PPP2R3B: variants seen among roughly 807,000 people sequenced by gnomAD.
PPP2R3B encodes protein phosphatase 2 regulatory subunit B''beta, also known as serine/threonine-protein phosphatase 2A regulatory subunit B'' subunit beta.
Under a neutral mutation model 72.9 loss-of-function variants are expected in PPP2R3B, and 68 were observed. That is an observed-to-expected ratio of 0.93 (90% CI 0.77 to 1.14). The LOEUF (loss-of-function observed/expected upper bound fraction) is 1.14. Among genes scored for constraint, PPP2R3B ranks in the 50% most tolerant of loss-of-function variants. PPP2R3B has a pLI of 0.00. For missense variants in PPP2R3B, 1,018 were observed against 842.0 expected, an observed-to-expected ratio of 1.21 and a Z score of -2.59; for synonymous variants, 466 against 375.8, an observed-to-expected ratio of 1.24 and a Z score of -2.78.
chrX:336,179 T>C (rs1191552110), intron 12 of PPP2R3B: 2 of 151,872 alleles, frequency 1.3e-5, no homozygotes, highest in Non-Finnish European at 2.9e-5. Flanking sequence ...AAAAAAATAA[T>C]AAAATACTAC....
chrX:350,582 G>A (rs1233023100), intron 2 of PPP2R3B, among the ~76,000 whole-genome samples: 6 of 152,222 alleles, frequency 3.9e-5, no homozygotes, highest in East Asian at 1.9e-4. Flanking sequence ...GGTGCACGGT[G>A]GCCGTAGACA....
At chrX:361,360 C>T (rs200883854) in intron 2 of PPP2R3B, 45 bp downstream of exon 2, 38 of 1,605,778 alleles carry the variant, frequency 2.4e-5, no homozygotes, top group Middle Eastern at 1.7e-4. Flanking sequence ...CTCACATGCC[C>T]GCAGTACCAC....
intron 12 of PPP2R3B, chrX:337,369 C>T (rs146914544): frequency 0.04 from 6,168 of 152,314 alleles, 125 homozygotes; most frequent in East Asian, 0.062. Flanking sequence ...CGTGAGCCAC[C>T]GCGCCCGGCC....
At chrX:340,557 C>A (rs2071034748) in intron 10 of PPP2R3B, among the ~76,000 whole-genome samples, 1 of 130,060 alleles carries the variant, frequency 7.7e-6, no homozygotes, top group African/African-American at 3.4e-5. Flanking sequence ...GCCGTCCCCC[C>A]TCCCGTCCGT....
intron 1 of PPP2R3B, among the ~76,000 whole-genome samples, chrX:383,995 C>T (rs1196746606): frequency 2.0e-5 from 3 of 151,886 alleles, no homozygotes; most frequent in Non-Finnish European, 2.9e-5. Flanking sequence ...AAATCAACAT[C>T]GTAAGACTGA....
In PPP2R3B at chrX:386,412, C is replaced by T. The variant is rs200495308; in HGVS notation, c.280G>A (p.Ala94Thr). The T allele has an allele frequency of 6.1e-6, 8 of 1,319,716 alleles. No homozygotes were observed. The African/African-American group carries it at 1.2e-4, about 20-fold the overall frequency. 81.8% of individuals were successfully genotyped at this position (1,319,716 alleles called of 1,614,324 possible). The stretch of plus-strand genomic sequence containing the variant: ...CTACGGGTGCCTCGAACGTGGGGCG[C>T]GTTCCTGGGGCTGGAGGCGGCGCCC... The part of the protein sequence containing the change: ...PLGAASSPRN[A>T]PHVRGTRRSA... The change falls in exon 1 of 13, where the codon GCG (alanine) becomes ACG (threonine). Residue 94 changes from alanine (A) to threonine (T), a missense_variant. Transcript: ENST00000390665.
intron 1 of PPP2R3B, among the ~76,000 whole-genome samples, chrX:363,296 T>C (rs749597692): frequency 6.0e-5 from 9 of 150,082 alleles, no homozygotes; most frequent in Admixed American, 1.3e-4. Flanking sequence ...GATCCCGCAG[T>C]GCATCTCCCC....
At chrX:334,807 A>G in intron 12 of PPP2R3B, 1 of 364,688 alleles carries the variant, frequency 2.7e-6, no homozygotes, top group Non-Finnish European at 4.9e-6. Context: ...CTCTTCCCCA[A>G]AGCGAGCTGC....
chrX:334,113 A>C lies in PPP2R3B; in HGVS notation c.*254T>G, dbSNP rs2070817910. The C allele has an allele frequency of 8.0e-5, 29 of 364,260 alleles. No homozygotes were observed. Among genetic ancestry groups the C allele is most frequent in the Admixed American group, 1.5e-4 (3 of 20,634 alleles). The allele number at this position is 364,260 out of a possible 1,614,324, so 22.6% of individuals were successfully genotyped here. A position where few individuals can be genotyped will look rare whatever the true frequency, so the allele number is the denominator to read the frequency against. Reference sequence around the variant, plus strand: ...CCCCGGAACCCAGGCTGGGTCGGGAACGGCAAGCGCCAGAGGGTGTCCGTG... The same window carrying C: ...CCCCGGAACCCAGGCTGGGTCGGGACCGGCAAGCGCCAGAGGGTGTCCGTG... On this transcript the variant is annotated 3_prime_UTR_variant, in exon 13 of 13. Transcript: ENST00000390665.
intron 1 of PPP2R3B, among the ~76,000 whole-genome samples, chrX:369,846 C>T (rs1365455777): frequency 6.6e-6 from 1 of 152,238 alleles, no homozygotes; most frequent in Non-Finnish European, 1.5e-5. Context: ...CCCCAGGAGC[C>T]CCCGCTCTGC....
chrX:354,262 A>G (rs867428309), intron 2 of PPP2R3B, among the ~76,000 whole-genome samples: 2 of 148,960 alleles, frequency 1.3e-5, no homozygotes, highest in South Asian at 2.1e-4. Context: ...GCTCACCCAA[A>G]CACCAGGGGC....
intron 1 of PPP2R3B, among the ~76,000 whole-genome samples, chrX:379,721 CTTTG>C (rs1252314542): frequency 1.3e-5 from 2 of 152,220 alleles, no homozygotes; most frequent in Admixed American, 6.5e-5. Flanking sequence ...ATGGAAAGTC[CTTTG>C]TTTGTGGATT....
Position 334,356 on chromosome X carries a change from CGCGGGCGGCGTCACAGCG to C in PPP2R3B, c.1721_*10del, listed in dbSNP as rs765984605. Reference sequence around the variant, plus strand: ...GGGAGCGGCCCCGCGGCGGCGTTCTCGCGGGCGGCGTCACAGCGGCTCCAGGTCCTCGTCCCCGCATGC... The same window carrying C: ...GGGAGCGGCCCCGCGGCGGCGTTCTCGCTCCAGGTCCTCGTCCCCGCATGC... On this transcript the variant is annotated stop_lost and 3_prime_UTR_variant, in exon 13 of 13. Transcript: ENST00000390665. 6.8e-7 allele frequency: 1 copy of C among 1,472,498 alleles called. No homozygotes were observed. Among genetic ancestry groups the C allele is most frequent in the South Asian group, 1.3e-5 (1 of 76,114 alleles). The allele number at this position is 1,472,498 out of a possible 1,614,324, so 91.2% of individuals were successfully genotyped here.
At chrX:373,981 G>C (rs1429913126) in intron 1 of PPP2R3B, 2 of 152,632 alleles carry the variant, frequency 1.3e-5, no homozygotes, top group Non-Finnish European at 2.9e-5. Flanking sequence ...TCCTCTCCCC[G>C]TTCGCTCCGG....
At chrX:367,186 G>A (rs1349941895) in intron 1 of PPP2R3B, among the ~76,000 whole-genome samples, 6 of 152,148 alleles carry the variant, frequency 3.9e-5, no homozygotes, top group Admixed American at 6.5e-5. Context: ...AAGAAGGGAT[G>A]AAGAGCAGGT....
chrX:334,670 T>G, intron 12 of PPP2R3B, 153 bp from the exon 13 acceptor site: 1 of 930,698 alleles, frequency 1.1e-6, no homozygotes, highest in Non-Finnish European at 1.5e-6. Flanking sequence ...AGCAACGCGC[T>G]CCTGGCTGAG....
chrX:348,345 G>A (rs971529298), intron 2 of PPP2R3B, among the ~76,000 whole-genome samples: 1 of 152,132 alleles, frequency 6.6e-6, no homozygotes, highest in African/African-American at 2.4e-5. Flanking sequence ...GGAGGCCGAG[G>A]GGGGTGGATC....
intron 1 of PPP2R3B, chrX:373,532 C>A: frequency 4.8e-6 from 1 of 207,688 alleles, no homozygotes; most frequent in Non-Finnish European, 1.1e-5. Flanking sequence ...CGGGGCTGAC[C>A]TGCTGGAAGG....
chrX:385,065 A>T (rs2072215797), intron 1 of PPP2R3B, among the ~76,000 whole-genome samples: 1 of 150,818 alleles, frequency 6.6e-6, no homozygotes, highest in South Asian at 2.1e-4. Context: ...TGGCCGGTTG[A>T]CAGAGGCTGC....
Sources: gnomAD v4.1 joint callset for allele counts (sites outside exome capture counted in the v4.1 genomes callset) on GRCh38, gnomAD v4.1.1 for gene constraint, MANE v1.5 for transcripts, NCBI Gene and HGNC (gene_info 2026-07-23, HGNC 2026-07-21) for gene names.